Variants in KIAA0513 observed in about 807,000 individuals in gnomAD.
The protein encoded by KIAA0513 is uncharacterized protein KIAA0513.
In KIAA0513, 39 loss-of-function variants were observed where a neutral mutation model predicts 56.5. The observed-to-expected ratio is 0.69, with a 90% CI of 0.53 to 0.90. The LOEUF is 0.90. Among genes scored for constraint, KIAA0513 ranks in the 40% least tolerant of loss-of-function variants. The pLI is 0.00. For synonymous variants in KIAA0513, 268 were observed against 215.6 expected, an observed-to-expected ratio of 1.24 and a Z score of -2.13; for missense variants, 591 against 535.2, an observed-to-expected ratio of 1.10 and a Z score of -1.03.
At chr16:85,042,642 T>C (rs2073119143) in intron 1 of KIAA0513, among the ~76,000 whole-genome samples, 1 of 152,244 alleles carries the variant, frequency 6.6e-6, no homozygotes, top group Non-Finnish European at 1.5e-5. Context: ...ATGCCTAGTA[T>C]GTAGGGAATA....
intron 1 of KIAA0513, among the ~76,000 whole-genome samples, chr16:85,033,349 G>C (rs1484776928): frequency 6.6e-6 from 1 of 152,182 alleles, no homozygotes; most frequent in African/African-American, 2.4e-5. Flanking sequence ...TCAGGATGCA[G>C]GGTTTCTCTG....
chr16:85,067,346 C>T lies in KIAA0513; in HGVS notation c.275C>T (p.Thr92Ile), dbSNP rs2073501361. Residue 92 changes from threonine to isoleucine, a missense_variant, in exon 2 of 13, where the codon ACC (threonine) becomes ATC (isoleucine). Transcript: ENST00000683363. ...ACCGAGTCTACCCAGGATGAAGAGA[C>T]CCTGGCACTCAGGGACTTCATGCGT... ...QSTESTQDEE[T>I]LALRDFMRGY... is the part of the protein sequence containing the mutation. 6.8e-6 allele frequency: 11 copies of T among 1,610,394 alleles called. No individual in the cohort carries two copies. The highest frequency in any genetic ancestry group is 8.5e-6 in the Non-Finnish European group (10 of 1,179,994).
At chr16:85,049,595 C>T (rs911460386) in intron 1 of KIAA0513, among the ~76,000 whole-genome samples, 1 of 152,106 alleles carries the variant, frequency 6.6e-6, no homozygotes, top group African/African-American at 2.4e-5. Context: ...GTGGCACCTC[C>T]CCTCATTCTC....
At position 85,081,605 on chromosome 16, in the gene KIAA0513, G is replaced by A. The variant is rs1028307363; in HGVS notation, c.980+213G>A. 6.6e-6 allele frequency among the ~76,000 whole-genome samples: 1 copy of A among 152,100 alleles called. No homozygotes were observed. Among genetic ancestry groups the A allele is most frequent in the Non-Finnish European group, 1.5e-5 (1 of 68,010 alleles). On this transcript the variant is annotated intron_variant, in intron 9 of 12. Coordinates refer to ENST00000683363, the MANE Select transcript of KIAA0513 (RefSeq NM_001388359.1). The surrounding 1 kb of genome is among the most constrained non-coding windows in gnomAD (Gnocchi z 4.4). The stretch of plus-strand genomic sequence containing the variant: ...AGCTTGCATGAGCGCTTTCTGTCCT[G>A]GGGCTCTGGCATGACTTGGCCTGAC...
intron 4 of KIAA0513, among the ~76,000 whole-genome samples, chr16:85,075,453 G>T (rs1448645802): frequency 1.3e-5 from 2 of 152,202 alleles, no homozygotes; most frequent in Admixed American, 6.5e-5. Context: ...TGCGGGGAAG[G>T]TCATCCAGCT....
At chr16:85,050,768 T>C (rs562247334) in intron 1 of KIAA0513, among the ~76,000 whole-genome samples, 1 of 152,286 alleles carries the variant, frequency 6.6e-6, no homozygotes, top group South Asian at 2.1e-4. Flanking sequence ...AAACAGTAGA[T>C]TGTGTGCTCT....
chr16:85,044,315 T>C (rs1354066767), intron 1 of KIAA0513, among the ~76,000 whole-genome samples: 2 of 151,934 alleles, frequency 1.3e-5, no homozygotes, highest in Non-Finnish European at 2.9e-5. Flanking sequence ...GCATGTCGAG[T>C]GTCCCCTGTG....
intron 1 of KIAA0513, among the ~76,000 whole-genome samples, chr16:85,048,245 C>G (rs1029007428): frequency 6.6e-6 from 1 of 152,188 alleles, no homozygotes; most frequent in Non-Finnish European, 1.5e-5. Flanking sequence ...GAGGGAAGCC[C>G]TCTGCACCCA....
rs2073489878 is a variant in KIAA0513 at position 85,066,883 on chromosome 16, CTG to C, written c.-172-13_-172-12del. ...TGAGGAGTGGCGCTAATGTCTGTGTCTGTGTTTCCATTCTAGATGCCGTAGGG... is the reference window on the plus strand; with the variant it reads ...TGAGGAGTGGCGCTAATGTCTGTGTCTGTTTCCATTCTAGATGCCGTAGGG... On this transcript the variant is annotated splice_polypyrimidine_tract_variant and intron_variant, in intron 1 of 12. Transcript: ENST00000683363. The C allele has an allele frequency of 3.8e-6, 2 of 525,670 alleles. No homozygotes were observed. The highest frequency in any genetic ancestry group is 6.7e-6 in the Non-Finnish European group (2 of 297,946). The allele number at this position is 525,670 out of a possible 1,614,324, so 32.6% of individuals were successfully genotyped here.
At chr16:85,087,190 C>T in intron 12 of KIAA0513, 24 bp downstream of exon 12, 1 of 1,596,140 alleles carries the variant, frequency 6.3e-7, no homozygotes, top group Non-Finnish European at 8.6e-7. Context: ...AGGCTGCTGG[C>T]AGGAGGCGGG....
Position 85,037,061 on chromosome 16 carries a change from A to G in KIAA0513, c.-173+9203A>G, listed in dbSNP as rs140143599. Reference sequence around the variant, plus strand: ...CCAAGGCTGATGGGGATGGTAAATTAGAAGAAGGAAAGGAGAGAGAAGGGG... The same window carrying G: ...CCAAGGCTGATGGGGATGGTAAATTGGAAGAAGGAAAGGAGAGAGAAGGGG... On this transcript the variant is annotated intron_variant, in intron 1 of 12. Coordinates refer to ENST00000683363, the MANE Select transcript of KIAA0513 (RefSeq NM_001388359.1). Among the ~76,000 whole-genome samples, 838 of 152,250 alleles carry G rather than the reference A, an allele frequency of 5.5e-3. 6 individuals carry two copies. The highest frequency in any genetic ancestry group is 0.019 in the African/African-American group (780 of 41,546).
chr16:85,084,172 C>T (rs2073780842), intron 10 of KIAA0513, among the ~76,000 whole-genome samples: 1 of 150,418 alleles, frequency 6.6e-6, no homozygotes, highest in Admixed American at 6.7e-5. Context: ...AGCGATTCTC[C>T]TGCCTCAGCC....
intron 1 of KIAA0513, among the ~76,000 whole-genome samples, chr16:85,053,741 C>T (rs1193145529): frequency 6.6e-6 from 1 of 152,036 alleles, no homozygotes; most frequent in Non-Finnish European, 1.5e-5. Context: ...GCCTATAATC[C>T]CAGCACTTTG....
chr16:85,088,649 A>G lies in KIAA0513; in HGVS notation c.*324A>G. On this transcript the variant is annotated 3_prime_UTR_variant, in exon 13 of 13. Transcript: ENST00000683363. ...GGACTCCATGGGCCATCGTGGGCCA[A>G]GGGCTGGCGAGGGTGGGGGCGGGCA... The G allele has an allele frequency of 3.4e-6, 1 of 290,868 alleles. No homozygotes were observed. The highest frequency in any genetic ancestry group is 6.5e-6 in the Non-Finnish European group (1 of 153,898). 18.0% of individuals were successfully genotyped at this position (290,868 alleles called of 1,614,324 possible).
chr16:85,078,832 G>T, intron 7 of KIAA0513, 93 bp from the exon 8 acceptor site: 1 of 1,350,472 alleles, frequency 7.4e-7, no homozygotes, highest in Middle Eastern at 1.8e-4. Flanking sequence ...GACATTCGGG[G>T]AGAAACTGGC....
At chr16:85,062,836 G>A (rs1357796066) in intron 1 of KIAA0513, among the ~76,000 whole-genome samples, 2 of 152,152 alleles carry the variant, frequency 1.3e-5, no homozygotes, top group African/African-American at 2.4e-5. Flanking sequence ...TCGCCAGATG[G>A]CCAAGACTGT....
At chr16:85,069,514 G>C (rs926879728) in intron 2 of KIAA0513, among the ~76,000 whole-genome samples, 9 of 152,084 alleles carry the variant, frequency 5.9e-5, no homozygotes, top group Non-Finnish European at 1.2e-4. Context: ...CGTCCACTGA[G>C]AAGTGGGAAT....
In KIAA0513 at chr16:85,081,956, T is replaced by C. The variant is rs1460121713; in HGVS notation, c.980+564T>C. On this transcript the variant is annotated intron_variant, in intron 9 of 12. Transcript: ENST00000683363. This position sits in a 1 kb window ranked among gnomAD's most constrained non-coding sequence, Gnocchi z 4.4. ...TAGCAAGCAAAGCTGCCGTCCACCATGTGCAGCGACATGACAGCGAGGGAC... is the reference window on the plus strand; with the variant it reads ...TAGCAAGCAAAGCTGCCGTCCACCACGTGCAGCGACATGACAGCGAGGGAC... Among the ~76,000 whole-genome samples the C allele has an allele frequency of 6.6e-6, 1 of 152,186 alleles. No homozygotes were observed. Among genetic ancestry groups the C allele is most frequent in the Non-Finnish European group, 1.5e-5 (1 of 68,028 alleles).
intron 1 of KIAA0513, among the ~76,000 whole-genome samples, chr16:85,029,120 A>C (rs1178695461): frequency 6.6e-6 from 1 of 152,090 alleles, no homozygotes; most frequent in Non-Finnish European, 1.5e-5. Flanking sequence ...ACTTGTTTTT[A>C]TTTCCACTTT....
Sources: gnomAD v4.1 joint callset for allele counts (sites outside exome capture counted in the v4.1 genomes callset) on GRCh38, gnomAD v4.1.1 for gene constraint, Gnocchi (gnomAD v3.1) non-coding constraint, MANE v1.5 for transcripts, NCBI Gene and HGNC (gene_info 2026-07-23, HGNC 2026-07-21) for gene names.